ANKRD30BL: variants seen among roughly 807,000 people sequenced by gnomAD.
ANKRD30BL encodes putative ankyrin repeat domain-containing protein 30B-like.
In ANKRD30BL, 20 loss-of-function variants were observed where a neutral mutation model predicts 18.4. The observed-to-expected ratio is 1.09, with a 90% CI of 0.77 to 1.58. The LOEUF (loss-of-function observed/expected upper bound fraction) is 1.58. ANKRD30BL is among the 40% of genes most tolerant of loss of function. The probability of loss-of-function intolerance (pLI) is 0.00; values close to 1 mark genes in which losing one functional copy is unlikely to be tolerated. For synonymous variants in ANKRD30BL, 72 were observed against 100.9 expected (o/e 0.71, Z 1.72); for missense variants, 224 against 268.6 (o/e 0.83, Z 1.16).
At chr2:132,210,750 T>G (rs1403381109) in intron 1 of ANKRD30BL, among the ~76,000 whole-genome samples, 1 of 151,514 alleles carries the variant, frequency 6.6e-6, no homozygotes. Context: ...GTGTAATTTC[T>G]TTCTGATGTG....
chr2:132,167,412 C>T (rs552392388), intron 1 of ANKRD30BL, among the ~76,000 whole-genome samples: 39 of 151,936 alleles, frequency 2.6e-4, no homozygotes, highest in Admixed American at 2.2e-3. Context: ...GCAACCTCCA[C>T]ATCTCAGGTT....
chr2:132,256,531 C>A (rs1240716479), intron 1 of ANKRD30BL, among the ~76,000 whole-genome samples: 1 of 152,238 alleles, frequency 6.6e-6, no homozygotes, highest in African/African-American at 2.4e-5. Context: ...ACCGCGGTGC[C>A]TGGGGTCTCA....
rs145033267 is a variant in ANKRD30BL, at chr2:132,174,027, C to T, written n.442-16881G>A. Among the ~76,000 whole-genome samples, 526 of 152,210 alleles carry T rather than the reference C, an allele frequency of 3.5e-3. 5 individuals are homozygous for T. The highest frequency in any genetic ancestry group is 0.011 in the African/African-American group (474 of 41,530). On this transcript the variant is annotated intron_variant and non_coding_transcript_variant, in intron 1 of 4. Transcript: ENST00000470729. The stretch of plus-strand genomic sequence containing the variant: ...TTCTTATAGACAGAGAATGTAAACC[C>T]GTGCTTTATTTACTTCTCTCCCAAC...
At chr2:132,163,068 G>A (rs1467243492), upstream of ANKRD30BL, among the ~76,000 whole-genome samples, 13 of 152,188 alleles carry the variant, frequency 8.5e-5, no homozygotes, top group Admixed American at 2.6e-4. Context: ...CCTCCTGGAT[G>A]GGGCTGAGCT....
intron 1 of ANKRD30BL, among the ~76,000 whole-genome samples, chr2:132,167,929 A>AT (rs751201480): frequency 3.3e-5 from 5 of 152,134 alleles, no homozygotes; most frequent in Non-Finnish European, 7.4e-5. Flanking sequence ...ATAATTACCC[A>AT]TTTTTTGTAA....
chr2:132,224,804 G>A (rs1215724084), intron 1 of ANKRD30BL, among the ~76,000 whole-genome samples: 3 of 152,056 alleles, frequency 2.0e-5, no homozygotes, highest in African/African-American at 2.4e-5. Context: ...CGATGGAAAT[G>A]GGAATATCTT....
At chr2:132,196,440 A>G (rs1403475167) in intron 1 of ANKRD30BL, among the ~76,000 whole-genome samples, 1 of 144,394 alleles carries the variant, frequency 6.9e-6, no homozygotes, top group Admixed American at 6.6e-5. Flanking sequence ...ACAGAGTAAG[A>G]CTCTGGGGGA....
At chr2:132,222,901 T>C (rs1352325897) in intron 1 of ANKRD30BL, among the ~76,000 whole-genome samples, 11 of 149,696 alleles carry the variant, frequency 7.3e-5, no homozygotes, top group African/African-American at 2.7e-4. Flanking sequence ...AGTGAACTTT[T>C]GGAGCACTTT....
At position 132,255,390 on chromosome 2, in the gene ANKRD30BL, TC is replaced by T. The variant is rs562543836; in HGVS notation, n.441+2138del. Among the ~76,000 whole-genome samples the T allele has an allele frequency of 3.4e-5, 5 of 148,504 alleles. No individual in the cohort carries two copies. The East Asian group carries it at 1.0e-3, about 30-fold the overall frequency. On this transcript the variant is annotated intron_variant and non_coding_transcript_variant, in intron 1 of 4. Transcript: ENST00000470729. ...GGCGGCTTGGGCCTGCTTTGAACAC[TC>T]TAATTTTTTCAAAGTAAGTGCTTCG... is the stretch of plus-strand genomic sequence containing the variant.
chr2:132,152,519 A>G (rs541828533), intron 4 of ANKRD30BL: 4 of 152,214 alleles, frequency 2.6e-5, no homozygotes, highest in Admixed American at 6.5e-5. Flanking sequence ...AGCATGGGAG[A>G]TTTTTACTTT....
At chr2:132,202,267 T>A (rs1488726757) in intron 1 of ANKRD30BL, among the ~76,000 whole-genome samples, 1 of 152,032 alleles carries the variant, frequency 6.6e-6, no homozygotes, top group Non-Finnish European at 1.5e-5. Flanking sequence ...ATTGTGCACA[T>A]GTACCCTAAA....
At chr2:132,195,292 C>T (rs1678939750) in intron 1 of ANKRD30BL, among the ~76,000 whole-genome samples, 2 of 152,096 alleles carry the variant, frequency 1.3e-5, no homozygotes, top group Admixed American at 1.3e-4. Flanking sequence ...ATGACTATGA[C>T]ATGTAGAGAA....
intron 1 of ANKRD30BL, among the ~76,000 whole-genome samples, chr2:132,187,798 G>A (rs935657517): frequency 3.4e-5 from 5 of 148,574 alleles, no homozygotes; most frequent in Admixed American, 1.4e-4. Flanking sequence ...TGCTCTTGTC[G>A]CACAGGCTGG....
intron 1 of ANKRD30BL, among the ~76,000 whole-genome samples, chr2:132,171,730 C>A (rs1393546692): frequency 6.6e-6 from 1 of 152,164 alleles, no homozygotes; most frequent in Non-Finnish European, 1.5e-5. Context: ...CTAAAATACA[C>A]ATACTGTACA....
rs1193551394 is a variant in ANKRD30BL at position 132,161,885 on chromosome 2, CG to C, written c.-181del. On this transcript the variant is annotated 5_prime_UTR_variant, in exon 1 of 6. Transcript: ENST00000409867. ...CCGGGAGAAAATGGCTGCGCAAAAC[CG>C]TTAGGCAGCTGAGCAGAACCGTTAG... The C allele has an allele frequency of 1.7e-6, 1 of 593,756 alleles. No individual in the cohort carries two copies. The highest frequency in any genetic ancestry group is 1.9e-5 in the African/African-American group (1 of 53,460). 36.8% of individuals were successfully genotyped at this position (593,756 alleles called of 1,614,324 possible). A position where few individuals can be genotyped will look rare whatever the true frequency, so the allele number is the denominator to read the frequency against.
At chr2:132,217,693 A>G (rs567000091) in intron 1 of ANKRD30BL, among the ~76,000 whole-genome samples, 123 of 152,408 alleles carry the variant, frequency 8.1e-4, no homozygotes, top group African/African-American at 2.8e-3. Context: ...CTTTTTATAG[A>G]GCAGTTTAAG....
intron 1 of ANKRD30BL, among the ~76,000 whole-genome samples, chr2:132,201,232 T>C (rs888415934): frequency 7.9e-5 from 12 of 152,172 alleles, no homozygotes; most frequent in African/African-American, 2.9e-4. Flanking sequence ...GACATAGGCA[T>C]GGGCAAGGAC....
intron 1 of ANKRD30BL, among the ~76,000 whole-genome samples, chr2:132,191,169 G>A (rs1166779885): frequency 6.6e-6 from 1 of 152,126 alleles, no homozygotes; most frequent in Non-Finnish European, 1.5e-5. Context: ...CTAGAATTTT[G>A]TAATAATAAA....
intron 1 of ANKRD30BL, among the ~76,000 whole-genome samples, chr2:132,159,338 A>G (rs981498229): frequency 4.6e-5 from 7 of 152,142 alleles, no homozygotes; most frequent in African/African-American, 1.7e-4. Flanking sequence ...CAAATTGTCT[A>G]TTTGAAAAGT....
Sources: allele counts gnomAD v4.1 joint callset (sites outside exome capture counted in the v4.1 genomes callset), GRCh38; gene constraint gnomAD v4.1.1; transcripts MANE v1.5; gene names NCBI Gene and HGNC (gene_info 2026-07-23, HGNC 2026-07-21).